Variants in DAAM2 observed in about 807,000 individuals in gnomAD.
The protein encoded by DAAM2 is disheveled-associated activator of morphogenesis 2.
A neutral mutation model predicts 120.7 loss-of-function variants in DAAM2; 39 were observed. The ratio of observed to expected loss-of-function variants is 0.32; its 90% CI spans 0.25 to 0.42. The LOEUF is 0.42. DAAM2 is among the 10% of genes least tolerant of loss of function. The probability of loss-of-function intolerance (pLI) is 1.00; values close to 1 mark genes in which losing one functional copy is unlikely to be tolerated. For synonymous variants in DAAM2, 488 were observed against 524.9 expected, an observed-to-expected ratio of 0.93 and a Z score of 0.96; for missense variants, 1,283 against 1,401.7, an observed-to-expected ratio of 0.92 and a Z score of 1.35.
At position 39,873,324 on chromosome 6, in the gene DAAM2, C is replaced by G. The variant is rs1310927120; in HGVS notation, c.1131C>G (p.Leu377=). The G allele has an allele frequency of 1.2e-6, 2 of 1,613,338 alleles. No homozygotes were observed. The highest frequency in any genetic ancestry group is 1.7e-6 in the Non-Finnish European group (2 of 1,179,538). Residue 377 remains leucine (L), a synonymous_variant, in exon 10 of 25, where the codon CTC becomes CTG. Coordinates refer to ENST00000274867, the MANE Select transcript of DAAM2 (RefSeq NM_001201427.2). ...LKYTEAYPCL[L]SVLHHCLQMP... The stretch of plus-strand genomic sequence containing the variant: ...ACACGGAGGCCTACCCCTGCCTGCT[C>G]TCTGTGCTGCACCACTGCCTGCAGA...
At chr6:39,831,048 A>G (rs1184385719) in intron 1 of DAAM2, among the ~76,000 whole-genome samples, 1 of 152,162 alleles carries the variant, frequency 6.6e-6, no homozygotes. Flanking sequence ...AAACTAAGGC[A>G]TGTGGGGAGT....
Position 39,878,601 on chromosome 6 carries a change from C to G in DAAM2, c.1545+13C>G. The G allele has an allele frequency of 6.3e-7, 1 of 1,594,698 alleles. No individual in the cohort carries two copies. Among genetic ancestry groups the G allele is most frequent in the Non-Finnish European group, 8.5e-7 (1 of 1,171,332 alleles). ...CAGTGAACTCTCAGTATGCAAGCATCTCCCCCTTTACATAGTTGAGCCAAG... is the reference window on the plus strand; with the variant it reads ...CAGTGAACTCTCAGTATGCAAGCATGTCCCCCTTTACATAGTTGAGCCAAG... On this transcript the variant is annotated intron_variant, in intron 13 of 24. Transcript: ENST00000274867. This position sits in a 1 kb window ranked among gnomAD's most constrained non-coding sequence, Gnocchi z 5.0.
At chr6:39,819,145 C>T (rs1762403681) in intron 1 of DAAM2, 1 of 152,208 alleles carries the variant, frequency 6.6e-6, no homozygotes, top group African/African-American at 2.4e-5. Flanking sequence ...GCAGGCTACA[C>T]CCCAGCTGGT....
At chr6:39,831,880 C>G (rs1393627982) in intron 1 of DAAM2, among the ~76,000 whole-genome samples, 1 of 50,210 alleles carries the variant, frequency 2.0e-5, no homozygotes, top group Non-Finnish European at 3.7e-5. Context: ...GGCAGTTGTA[C>G]TGAGGGGGCA....
At position 39,867,499 on chromosome 6, in the gene DAAM2, C is replaced by T. The variant is rs1764479541; in HGVS notation, c.429-11C>T. 1 of 1,611,936 alleles carries T rather than the reference C, an allele frequency of 6.2e-7. No homozygotes were observed. The highest frequency in any genetic ancestry group is 1.3e-5 in the African/African-American group (1 of 74,896). On this transcript the variant is annotated splice_polypyrimidine_tract_variant and intron_variant, in intron 5 of 24. Transcript: ENST00000274867. ...TGCAAATATATGTTTGTTAATGGCT[C>T]TGATTTGTAGGTTTGTGACCCGCTT...
chr6:39,818,901 A>G (rs532900777), intron 1 of DAAM2: 1 of 151,998 alleles, frequency 6.6e-6, no homozygotes, highest in East Asian at 1.9e-4. Context: ...CCTTGTCTAG[A>G]GTGGGGTTGA....
At chr6:39,860,035 G>A (rs1189887698) in intron 2 of DAAM2, among the ~76,000 whole-genome samples, 2 of 152,150 alleles carry the variant, frequency 1.3e-5, no homozygotes, top group African/African-American at 4.8e-5. Flanking sequence ...AGCACACTAT[G>A]GTCTCCATGG....
At chr6:39,806,637 A>G (rs1227680165) in intron 1 of DAAM2, among the ~76,000 whole-genome samples, 7 of 152,132 alleles carry the variant, frequency 4.6e-5, no homozygotes, top group Non-Finnish European at 7.3e-5. Flanking sequence ...TCCATCCTCA[A>G]CCCTTCTTTC....
chr6:39,873,575 G>C (rs562928445), intron 10 of DAAM2, among the ~76,000 whole-genome samples: 4 of 152,316 alleles, frequency 2.6e-5, no homozygotes, highest in African/African-American at 9.6e-5. Flanking sequence ...TGGGGACTTG[G>C]CCCTGAGCAA....
intron 1 of DAAM2, among the ~76,000 whole-genome samples, chr6:39,818,182 T>TAA (rs752326154): frequency 0.12 from 10,643 of 85,560 alleles, 671 homozygotes; most frequent in Non-Finnish European, 0.16. Flanking sequence ...GCATCTCAAT[T>TAA]AAAAAAAAAA....
rs1764739326 is a variant in DAAM2, at chr6:39,873,317, G to T, written c.1124G>T (p.Cys375Phe). The change falls in exon 10 of 25, where the codon TGC (cysteine) becomes TTC (phenylalanine). Residue 375 changes from cysteine to phenylalanine, a missense_variant. Coordinates refer to ENST00000274867, the MANE Select transcript of DAAM2 (RefSeq NM_001201427.2). ...CTGAAGTACACGGAGGCCTACCCCT[G>T]CCTGCTCTCTGTGCTGCACCACTGC... is the stretch of plus-strand genomic sequence containing the variant. ...KKLKYTEAYP[C>F]LLSVLHHCLQ... is the part of the protein sequence containing the mutation. 6.2e-7 allele frequency: 1 copy of T among 1,613,456 alleles called. No homozygotes were observed. Among genetic ancestry groups the T allele is most frequent in the Non-Finnish European group, 8.5e-7 (1 of 1,179,718 alleles).
rs1279703363 is a variant in DAAM2, at chr6:39,902,020, A to C, written c.3190A>C (p.Asn1064His). 2 of 1,607,420 alleles carry C rather than the reference A, an allele frequency of 1.2e-6. No homozygotes were observed. Among genetic ancestry groups the C allele is most frequent in the South Asian group, 1.1e-5 (1 of 90,406 alleles). Residue 1064 changes from asparagine (N) to histidine (H), a missense_variant, in exon 25 of 25, where the codon AAC (asparagine) becomes CAC (histidine). Transcript: ENST00000274867. ...ALEVTRERAI[N>H]RLNY ...GGAAGTTACCCGGGAGCGGGCAATA[A>C]ACCGGCTAAATTATTGACCTGGGGA... is the stretch of plus-strand genomic sequence containing the variant.
chr6:39,810,945 A>T (rs1277979960), intron 1 of DAAM2, among the ~76,000 whole-genome samples: 2 of 152,090 alleles, frequency 1.3e-5, no homozygotes, highest in African/African-American at 4.8e-5. Flanking sequence ...CCTTCCCCTC[A>T]GCCCAGTTTG....
chr6:39,846,437 A>G (rs568077152), intron 1 of DAAM2, among the ~76,000 whole-genome samples: 1 of 152,332 alleles, frequency 6.6e-6, no homozygotes, highest in African/African-American at 2.4e-5. Context: ...ATTTACAGAC[A>G]GGGCCCAAAG....
Position 39,891,402 on chromosome 6 carries a change from T to C in DAAM2, c.2207T>C (p.Ile736Thr). 3 of 1,611,600 alleles carry C rather than the reference T, an allele frequency of 1.9e-6. No individual in the cohort carries two copies. Among genetic ancestry groups the C allele is most frequent in the South Asian group, 2.2e-5 (2 of 90,272 alleles). ...CTCCTGGAGGAGCACAAGCATGAAATTGAGCGGATGGCCCGTGCTGACCGC... is the reference window on the plus strand; with the variant it reads ...CTCCTGGAGGAGCACAAGCATGAAACTGAGCGGATGGCCCGTGCTGACCGC... ...IDLLEEHKHE[I>T]ERMARADRFL... The change falls in exon 18 of 25, where the codon ATT becomes ACT. Residue 736 changes from isoleucine (I) to threonine (T), a missense_variant. By Grantham distance (89) the Ile-to-Thr change is moderately conservative (BLOSUM62 -1). This residue lies in a region of DAAM2 where 748 missense variants were observed against 768.6 expected (regional missense o/e 0.97). Coordinates refer to ENST00000274867, the MANE Select transcript of DAAM2 (RefSeq NM_001201427.2).
rs570883683 is a variant in DAAM2 at position 39,805,561 on chromosome 6, T to TA, written c.-57+13096_-57+13097insA. Reference sequence around the variant, plus strand: ...GGAAAGAAGTATCCTAAGGTTATTTTTTTTTTTTTTTGAGACAGAGTCTCG... The same window carrying TA: ...GGAAAGAAGTATCCTAAGGTTATTTTATTTTTTTTTTTGAGACAGAGTCTCG... On this transcript the variant is annotated intron_variant, in intron 1 of 24. Coordinates refer to ENST00000274867, the MANE Select transcript of DAAM2 (RefSeq NM_001201427.2). Among the ~76,000 whole-genome samples the TA allele has an allele frequency of 2.8e-3, 431 of 151,598 alleles. 3 individuals are homozygous for TA. The highest frequency in any genetic ancestry group is 9.6e-3 in the African/African-American group (395 of 41,346).
intron 6 of DAAM2, chr6:39,868,592 G>T (rs1453848906): frequency 3.7e-6 from 2 of 545,522 alleles, no homozygotes; most frequent in Admixed American, 6.3e-5. Context: ...AAGCCCCAAA[G>T]GCTGAGTGGA....
intron 1 of DAAM2, among the ~76,000 whole-genome samples, chr6:39,839,028 CCCT>C (rs1562016666): frequency 6.6e-6 from 1 of 152,086 alleles, no homozygotes; most frequent in Non-Finnish European, 1.5e-5. Context: ...TAGTGGTCCC[CCCT>C]CTCTCTCCTC....
chr6:39,901,243 G>A lies in DAAM2; in HGVS notation c.2812-59G>A. The A allele has an allele frequency of 6.6e-7, 1 of 1,522,230 alleles. No homozygotes were observed. The highest frequency in any genetic ancestry group is 9.0e-7 in the Non-Finnish European group (1 of 1,110,632). The allele number at this position is 1,522,230 out of a possible 1,614,324, so 94.3% of individuals were successfully genotyped here. A position where few individuals can be genotyped will look rare whatever the true frequency, so the allele number is the denominator to read the frequency against. On this transcript the variant is annotated intron_variant, in intron 23 of 24. Coordinates refer to ENST00000274867, the MANE Select transcript of DAAM2 (RefSeq NM_001201427.2). The surrounding 1 kb of genome is among the most constrained non-coding windows in gnomAD (Gnocchi z 4.5). The stretch of plus-strand genomic sequence containing the variant: ...CTGGCTAGAACCCAGCTAACCTCAG[G>A]GGCTGAGCCCAGCATGCTCCAGGGC...
Sources: allele counts gnomAD v4.1 joint callset (sites outside exome capture counted in the v4.1 genomes callset), GRCh38; gene constraint gnomAD v4.1.1; regional missense constraint gnomAD v4.1.1; non-coding constraint Gnocchi (gnomAD v3.1); transcripts MANE v1.5; gene names NCBI Gene and HGNC (gene_info 2026-07-23, HGNC 2026-07-21).